The following SERPINI1 variants were observed in gnomAD, a reference collection of about 807,000 sequenced individuals.
SERPINI1 encodes the protein serpin family I member 1, also known as neuroserpin.
Under a neutral mutation model 41.1 loss-of-function variants are expected in SERPINI1, and 19 were observed. The ratio of observed to expected loss-of-function variants is 0.46; its 90% CI spans 0.32 to 0.68. The LOEUF is 0.68. SERPINI1 is among the 30% of genes least tolerant of loss of function. SERPINI1 has a pLI of 0.03. For synonymous variants in SERPINI1, 138 were observed against 156.6 expected (o/e 0.88, Z 0.89); for missense variants, 460 against 479.2 (o/e 0.96, Z 0.37).
At position 167,793,838 on chromosome 3, in the gene SERPINI1, A is replaced by ATGTGTGTGTGTGTGTGTG. The variant is rs56401913; in HGVS notation, c.677-766_677-749dup. The stretch of plus-strand genomic sequence containing the variant: ...TATATAGTTCATTTTGGCCATATGT[A>ATGTGTGTGTGTGTGTGTG]TGTGTGTGTGTGTGTGTGTGTGTGT... On this transcript the variant is annotated intron_variant, in intron 4 of 8. Transcript: ENST00000446050. 3.9e-3 allele frequency among the ~76,000 whole-genome samples: 552 copies of ATGTGTGTGTGTGTGTGTG among 141,290 alleles called. 5 individuals are homozygous for ATGTGTGTGTGTGTGTGTG. Among genetic ancestry groups the ATGTGTGTGTGTGTGTGTG allele is most frequent in the African/African-American group, 0.014 (512 of 37,516 alleles). 92.7% of individuals were successfully genotyped at this position (141,290 alleles called of 152,430 possible).
chr3:167,764,652 A>G (rs1266582242), intron 1 of SERPINI1, among the ~76,000 whole-genome samples: 4 of 152,324 alleles, frequency 2.6e-5, no homozygotes, highest in South Asian at 2.1e-4. Flanking sequence ...ATGTCTTCAC[A>G]ACAGTCCTTC....
At chr3:167,824,374 G>T in intron 7 of SERPINI1, 99 bp from the exon 8 acceptor site, 1 of 823,600 alleles carries the variant, frequency 1.2e-6, no homozygotes, top group South Asian at 1.6e-5. Context: ...GTAAATTGTT[G>T]TCTTTGCATT....
chr3:167,803,247 G>A lies in SERPINI1; in HGVS notation c.882-3997G>A, dbSNP rs372467553. On this transcript the variant is annotated intron_variant, in intron 5 of 8. Coordinates refer to ENST00000446050, the MANE Select transcript of SERPINI1 (RefSeq NM_001122752.2). ...CATATGTAACTAACCTGCACATTGT[G>A]CACATGTACCCCAAAACTTAAAGTA... Among the ~76,000 whole-genome samples the A allele has an allele frequency of 9.9e-5, 15 of 151,206 alleles. 1 individual carries two copies. The East Asian group carries it at 2.3e-3, about 23-fold the overall frequency.
At chr3:167,814,448 T>C (rs1479313048) in intron 6 of SERPINI1, among the ~76,000 whole-genome samples, 1 of 152,222 alleles carries the variant, frequency 6.6e-6, no homozygotes, top group Non-Finnish European at 1.5e-5. Context: ...GCTAAAAATA[T>C]TTTGGCAACT....
chr3:167,772,949 CAT>C (rs545950927), intron 1 of SERPINI1, among the ~76,000 whole-genome samples: 5 of 104,810 alleles, frequency 4.8e-5, no homozygotes, highest in South Asian at 2.8e-4. Context: ...CATATATACA[CAT>C]ATATATGTAT....
intron 1 of SERPINI1, among the ~76,000 whole-genome samples, chr3:167,773,510 ATGT>A (rs1194530534): frequency 6.6e-6 from 1 of 152,178 alleles, no homozygotes. Context: ...TATATTATAA[ATGT>A]TGTCCTGAAA....
intron 1 of SERPINI1, among the ~76,000 whole-genome samples, chr3:167,779,106 G>A (rs1320407891): frequency 3.3e-5 from 5 of 152,180 alleles, no homozygotes; most frequent in African/African-American, 9.7e-5. Context: ...CAATGATTAA[G>A]TGATTAAGAA....
intron 1 of SERPINI1, among the ~76,000 whole-genome samples, chr3:167,759,363 A>G (rs1190367233): frequency 1.4e-5 from 2 of 144,830 alleles, no homozygotes; most frequent in African/African-American, 5.1e-5. Flanking sequence ...CATGGAATGA[A>G]CCTAAGTGTC....
At chr3:167,793,002 C>T (rs1218735031) in intron 4 of SERPINI1, among the ~76,000 whole-genome samples, 1 of 152,098 alleles carries the variant, frequency 6.6e-6, no homozygotes, top group African/African-American at 2.4e-5. Flanking sequence ...GTCAACCACA[C>T]CTGCAGAGTA....
chr3:167,776,653 A>G (rs1726977890), intron 1 of SERPINI1, among the ~76,000 whole-genome samples: 1 of 152,218 alleles, frequency 6.6e-6, no homozygotes, highest in Admixed American at 6.5e-5. Flanking sequence ...TGTTTAGCCT[A>G]CTTCTAGCTG....
At position 167,807,290 on chromosome 3, in the gene SERPINI1, C is replaced by G. The variant is rs1324876488; in HGVS notation, c.928C>G (p.Leu310Val). The G allele has an allele frequency of 6.2e-7, 1 of 1,612,990 alleles. No homozygotes were observed. Among genetic ancestry groups the G allele is most frequent in the Admixed American group, 1.7e-5 (1 of 59,910 alleles). ...TGATTTAAAAGATGTTTTGAAGGCT[C>G]TTGGAATAACTGAAATTTTCATCAA... ...EIDLKDVLKA[L>V]GITEIFIKDA... The change falls in exon 6 of 9, where the codon CTT becomes GTT. Residue 310 changes from leucine to valine, a missense_variant. Coordinates refer to ENST00000446050, the MANE Select transcript of SERPINI1 (RefSeq NM_001122752.2).
chr3:167,785,356 G>T (rs1020183285), intron 1 of SERPINI1, among the ~76,000 whole-genome samples: 1 of 152,186 alleles, frequency 6.6e-6, no homozygotes, highest in Non-Finnish European at 1.5e-5. Flanking sequence ...GAGAATTCAT[G>T]TGACTTGCTG....
chr3:167,746,757 C>G (rs559838229), intron 1 of SERPINI1, among the ~76,000 whole-genome samples: 1 of 152,270 alleles, frequency 6.6e-6, no homozygotes, highest in East Asian at 1.9e-4. Flanking sequence ...ACACCTGTAA[C>G]AATAAAAAGT....
intron 1 of SERPINI1, among the ~76,000 whole-genome samples, chr3:167,745,998 A>G (rs1005338613): frequency 6.6e-6 from 1 of 152,160 alleles, no homozygotes; most frequent in South Asian, 2.1e-4. Context: ...CCAAATTAAT[A>G]TGCAGATTTA....
rs375675303 is a variant in SERPINI1, at chr3:167,765,348, A to G, written c.-18-23763A>G. 3.2e-4 allele frequency among the ~76,000 whole-genome samples: 48 copies of G among 152,356 alleles called. No homozygotes were observed. The East Asian group carries it at 3.5e-3, about 11-fold the overall frequency. The stretch of plus-strand genomic sequence containing the variant: ...TTGACTTCTGTGCACTCACAGGCTC[A>G]ACACCATATGGTAGCTGCCAAGGCT... On this transcript the variant is annotated intron_variant, in intron 1 of 8. Transcript: ENST00000446050.
chr3:167,808,275 A>ATT (rs3061445), intron 6 of SERPINI1, among the ~76,000 whole-genome samples: 52,052 of 148,848 alleles, frequency 0.35, 10,277 homozygotes, highest in African/African-American at 0.53. Context: ...CAAATACCCT[A>ATT]TTTTTTTCAG....
intron 1 of SERPINI1, among the ~76,000 whole-genome samples, chr3:167,783,753 C>A (rs1194167387): frequency 6.6e-6 from 1 of 152,196 alleles, no homozygotes; most frequent in Admixed American, 6.5e-5. Flanking sequence ...GAGCCAGCAA[C>A]CAGCAACCAG....
In SERPINI1 at chr3:167,819,420, G is replaced by C. The variant is rs1192767724; in HGVS notation, c.980-3566G>C. ...ACACTACTCTTTTGGATTTGAGGGA[G>C]CTAATTATACTTTATTACTAAATGT... On this transcript the variant is annotated intron_variant, in intron 6 of 8. Coordinates refer to ENST00000446050, the MANE Select transcript of SERPINI1 (RefSeq NM_001122752.2). 2.0e-5 allele frequency among the ~76,000 whole-genome samples: 3 copies of C among 152,224 alleles called. No individual in the cohort carries two copies. In the East Asian group the frequency reaches 5.8e-4, roughly 29 times the overall value.
intron 1 of SERPINI1, among the ~76,000 whole-genome samples, chr3:167,773,373 C>T (rs529532750): frequency 3.9e-5 from 6 of 152,140 alleles, no homozygotes; most frequent in South Asian, 4.1e-4. Context: ...TAAGAGTGGT[C>T]GATTTACTAT....
Sources: allele counts gnomAD v4.1 joint callset (sites outside exome capture counted in the v4.1 genomes callset), GRCh38; gene constraint gnomAD v4.1.1; transcripts MANE v1.5; gene names NCBI Gene and HGNC (gene_info 2026-07-23, HGNC 2026-07-21).